The following MGAT5 variants were observed in gnomAD, a reference collection of about 807,000 sequenced individuals.
MGAT5 encodes alpha-1,6-mannosylglycoprotein 6-beta-N-acetylglucosaminyltransferase A.
Under a neutral mutation model 94.3 loss-of-function variants are expected in MGAT5, and 30 were observed. The observed-to-expected ratio is 0.32, with a 90% CI of 0.24 to 0.43. MGAT5 has a LOEUF of 0.43. Among genes scored for constraint, MGAT5 ranks in the 20% least tolerant of loss-of-function variants. MGAT5 has a pLI of 1.00. For synonymous variants in MGAT5, 310 were observed against 322.9 expected (o/e 0.96, Z 0.43); for missense variants, 691 against 905.5 (o/e 0.76, Z 3.04).
chr2:134,335,958 GAATT>G (rs1323307183), intron 4 of MGAT5, among the ~76,000 whole-genome samples: 1 of 152,150 alleles, frequency 6.6e-6, no homozygotes, highest in East Asian at 1.9e-4. Context: ...AATGACTAAG[GAATT>G]AATTGCTGTA....
chr2:134,393,506 C>T (rs1236089434), intron 10 of MGAT5, among the ~76,000 whole-genome samples: 1 of 152,124 alleles, frequency 6.6e-6, no homozygotes, highest in Non-Finnish European at 1.5e-5. Flanking sequence ...AGCTTCCTGG[C>T]ACATTAAATT....
intron 1 of MGAT5, among the ~76,000 whole-genome samples, chr2:134,146,804 A>G (rs954892596): frequency 1.3e-5 from 2 of 152,198 alleles, no homozygotes; most frequent in Admixed American, 6.5e-5. Context: ...ATGTGCCTGC[A>G]TGCTGGGTCT....
intron 1 of MGAT5, among the ~76,000 whole-genome samples, chr2:134,140,819 A>T (rs1686622477): frequency 6.6e-6 from 1 of 152,220 alleles, no homozygotes; most frequent in South Asian, 2.1e-4. Flanking sequence ...GAGAGGAGGA[A>T]ACTAAGGCAC....
At chr2:134,409,286 AC>A (rs534909341) in intron 11 of MGAT5, among the ~76,000 whole-genome samples, 33 of 152,310 alleles carry the variant, frequency 2.2e-4, no homozygotes, top group South Asian at 2.1e-4. Flanking sequence ...CTATTGTTTT[AC>A]CCATTTTACA....
chr2:134,368,301 G>A (rs1385880183), intron 10 of MGAT5, among the ~76,000 whole-genome samples: 1 of 152,228 alleles, frequency 6.6e-6, no homozygotes, highest in East Asian at 1.9e-4. Context: ...CGCCAAGTCA[G>A]CGACAGCCTT....
chr2:134,381,386 A>ATTAGATAGAT, intron 10 of MGAT5, among the ~76,000 whole-genome samples: 1 of 95,336 alleles, frequency 1.0e-5, no homozygotes, highest in East Asian at 3.2e-4. Flanking sequence ...GATAGATTAG[A>ATTAGATAGAT]TAGATAGATA....
chr2:134,219,976 G>A (rs1408242698), intron 1 of MGAT5, among the ~76,000 whole-genome samples: 2 of 152,128 alleles, frequency 1.3e-5, no homozygotes, highest in African/African-American at 4.8e-5. Context: ...AATTTAAATG[G>A]AGCTTGGCAC....
At chr2:134,240,986 A>T (rs563193436) in intron 1 of MGAT5, among the ~76,000 whole-genome samples, 61 of 152,384 alleles carry the variant, frequency 4.0e-4, no homozygotes, top group African/African-American at 1.3e-3. Flanking sequence ...TCCCTTCTGG[A>T]TTCTGAACTA....
At chr2:134,397,887 A>G (rs1047382615) in intron 10 of MGAT5, among the ~76,000 whole-genome samples, 2 of 152,130 alleles carry the variant, frequency 1.3e-5, no homozygotes, top group African/African-American at 4.8e-5. Flanking sequence ...CCCAACCCCA[A>G]CCTTTATAGG....
chr2:134,396,679 C>T (rs1173562392), intron 10 of MGAT5, among the ~76,000 whole-genome samples: 4 of 152,190 alleles, frequency 2.6e-5, no homozygotes, highest in African/African-American at 7.2e-5. Flanking sequence ...TCCATAAGTC[C>T]TTTGTGGTTT....
intron 1 of MGAT5, among the ~76,000 whole-genome samples, chr2:134,153,962 C>T (rs772953438): frequency 1.6e-4 from 24 of 152,140 alleles, no homozygotes; most frequent in Non-Finnish European, 2.2e-4. Context: ...GGGGCAACGG[C>T]AGGGCTGTAG....
chr2:134,312,583 C>T, intron 2 of MGAT5, among the ~76,000 whole-genome samples: 1 of 152,158 alleles, frequency 6.6e-6, no homozygotes, highest in East Asian at 1.9e-4. Context: ...ATGGGGTCTC[C>T]AGTGTGCTGG....
chr2:134,373,523 T>TA (rs1277146843), intron 10 of MGAT5, among the ~76,000 whole-genome samples: 1 of 152,212 alleles, frequency 6.6e-6, no homozygotes, highest in African/African-American at 2.4e-5. Flanking sequence ...ATTTTCCACC[T>TA]AAATAGAACC....
At chr2:134,173,956 C>G (rs1421844841) in intron 1 of MGAT5, among the ~76,000 whole-genome samples, 1 of 152,206 alleles carries the variant, frequency 6.6e-6, no homozygotes, top group Non-Finnish European at 1.5e-5. Context: ...TTCTCCCCCA[C>G]CCAGGTTATA....
intron 10 of MGAT5, among the ~76,000 whole-genome samples, chr2:134,392,196 C>G (rs776013392): frequency 6.6e-5 from 10 of 152,194 alleles, no homozygotes; most frequent in Non-Finnish European, 2.9e-5. Context: ...CTGCTGCTTG[C>G]AAATTAGACA....
intron 1 of MGAT5, among the ~76,000 whole-genome samples, chr2:134,241,675 T>C (rs1681978676): frequency 6.6e-6 from 1 of 152,196 alleles, no homozygotes; most frequent in Non-Finnish European, 1.5e-5. Context: ...GTTTCAGAAA[T>C]GGATTATGAC....
chr2:134,448,867 G>A lies in MGAT5; in HGVS notation c.*20G>A. On this transcript the variant is annotated 3_prime_UTR_variant, in exon 16 of 16. Coordinates refer to ENST00000281923, the MANE Select transcript of MGAT5 (RefSeq NM_002410.5). ...CTATAGCAGCTACCTGCTCAGCCCTGCACCATGCTGCTGGGGAAGACAGTG... is the reference window on the plus strand; with the variant it reads ...CTATAGCAGCTACCTGCTCAGCCCTACACCATGCTGCTGGGGAAGACAGTG... 6.2e-7 allele frequency: 1 copy of A among 1,606,762 alleles called. No individual in the cohort carries two copies. The highest frequency in any genetic ancestry group is 1.1e-5 in the South Asian group (1 of 90,420).
intron 4 of MGAT5, among the ~76,000 whole-genome samples, chr2:134,327,421 A>C (rs893028201): frequency 6.6e-6 from 1 of 152,080 alleles, no homozygotes; most frequent in Non-Finnish European, 1.5e-5. Context: ...GCTATTAAGC[A>C]AAATGAGGGT....
chr2:134,125,904 A>G (rs539993120), intron 1 of MGAT5, among the ~76,000 whole-genome samples: 2 of 152,304 alleles, frequency 1.3e-5, no homozygotes, highest in Admixed American at 6.5e-5. Flanking sequence ...TTTCACTCTT[A>G]TTAATTCTCT....
Sources: gnomAD v4.1 joint callset for allele counts (sites outside exome capture counted in the v4.1 genomes callset) on GRCh38, gnomAD v4.1.1 for gene constraint, MANE v1.5 for transcripts, NCBI Gene and HGNC (gene_info 2026-07-23, HGNC 2026-07-21) for gene names.